The following PCED1B variants were observed in gnomAD, a reference collection of about 807,000 sequenced individuals.
PCED1B encodes the protein PC-esterase domain containing 1B.
For synonymous variants in PCED1B, 251 were observed against 246.1 expected (o/e 1.02, Z -0.19); for missense variants, 573 against 573.9 (o/e 1.00, Z 0.02).
intron 2 of PCED1B, among the ~76,000 whole-genome samples, chr12:47,116,350 A>G (rs1037073635): frequency 1.3e-5 from 2 of 152,240 alleles, no homozygotes; most frequent in Non-Finnish European, 2.9e-5. Context: ...CTGCAAATAA[A>G]TTTAATGGAG....
intron 2 of PCED1B, among the ~76,000 whole-genome samples, chr12:47,104,525 C>T (rs4768138): frequency 0.43 from 64,926 of 151,964 alleles, 14,399 homozygotes; most frequent in Admixed American, 0.59. Context: ...GGCAAGTCAC[C>T]TGAATGCTGT....
At chr12:47,116,107 G>C (rs547152647) in intron 2 of PCED1B, among the ~76,000 whole-genome samples, 2 of 152,094 alleles carry the variant, frequency 1.3e-5, no homozygotes, top group African/African-American at 2.4e-5. Context: ...AAATATGATG[G>C]TTACTTTCTC....
chr12:47,175,702 T>A (rs769844615), intron 2 of PCED1B, among the ~76,000 whole-genome samples: 33 of 151,774 alleles, frequency 2.2e-4, no homozygotes, highest in Non-Finnish European at 1.8e-4. Flanking sequence ...GCCTCCCAAG[T>A]AGCTAGGATT....
chr12:47,169,940 G>A (rs1039212356), intron 2 of PCED1B, among the ~76,000 whole-genome samples: 16 of 148,492 alleles, frequency 1.1e-4, no homozygotes, highest in Non-Finnish European at 2.1e-4. Context: ...GGTGTTTCTC[G>A]GAGAGGGGGA....
chr12:47,203,560 C>A (rs1942830619), intron 2 of PCED1B, among the ~76,000 whole-genome samples: 1 of 152,136 alleles, frequency 6.6e-6, no homozygotes, highest in Admixed American at 6.6e-5. Flanking sequence ...TGAGAACATG[C>A]AATATTTGGT....
intron 2 of PCED1B, among the ~76,000 whole-genome samples, chr12:47,174,366 G>C (rs541325800): frequency 3.3e-5 from 5 of 150,228 alleles, no homozygotes; most frequent in African/African-American, 1.2e-4. Flanking sequence ...CGGAGATTGC[G>C]CTACCGCACT....
intron 2 of PCED1B, among the ~76,000 whole-genome samples, chr12:47,194,378 T>G (rs1942538080): frequency 1.3e-5 from 2 of 152,152 alleles, no homozygotes; most frequent in African/African-American, 2.4e-5. Flanking sequence ...TTTCACCATG[T>G]TGGTCAGGCT....
intron 2 of PCED1B, among the ~76,000 whole-genome samples, chr12:47,110,443 T>C (rs1939143349): frequency 6.6e-6 from 1 of 152,184 alleles, no homozygotes; most frequent in South Asian, 2.1e-4. Flanking sequence ...CCAGGAAGTG[T>C]TTGGTAACAG....
intron 1 of PCED1B, among the ~76,000 whole-genome samples, chr12:47,099,199 G>A (rs1938601244): frequency 6.6e-6 from 1 of 152,210 alleles, no homozygotes; most frequent in African/African-American, 2.4e-5. Context: ...GAAGAGCACA[G>A]CAGTGAGAAG....
intron 2 of PCED1B, among the ~76,000 whole-genome samples, chr12:47,154,989 A>G (rs2137472582): frequency 1.3e-5 from 2 of 152,270 alleles, no homozygotes; most frequent in Middle Eastern, 6.8e-3. Flanking sequence ...GGGGAGAAGA[A>G]GGGTGAGGAG....
chr12:47,206,378 A>G (rs2004683), intron 2 of PCED1B: 31,811 of 152,246 alleles, frequency 0.21, 4,208 homozygotes, highest in Non-Finnish European at 0.3. Flanking sequence ...GCCTATGCCC[A>G]GGAATGAACA....
At chr12:47,175,212 C>T (rs929005394) in intron 2 of PCED1B, among the ~76,000 whole-genome samples, 1 of 152,050 alleles carries the variant, frequency 6.6e-6, no homozygotes, top group Non-Finnish European at 1.5e-5. Flanking sequence ...CTGGCTTTAT[C>T]TTAGAATTAT....
At chr12:47,136,085 C>CTTTTTTTTT (rs57549946) in intron 2 of PCED1B, 25 of 131,476 alleles carry the variant, frequency 1.9e-4, no homozygotes, top group African/African-American at 6.4e-4. Context: ...CAATTTCTTT[C>CTTTTTTTTT]TTTTTTTTTT....
intron 2 of PCED1B, among the ~76,000 whole-genome samples, chr12:47,152,975 A>G (rs1168597640): frequency 6.6e-6 from 1 of 152,102 alleles, no homozygotes; most frequent in African/African-American, 2.4e-5. Flanking sequence ...ACAGTTAGTA[A>G]AAGTTATTTA....
At chr12:47,095,360 G>A (rs1239792078) in intron 1 of PCED1B, among the ~76,000 whole-genome samples, 1 of 151,772 alleles carries the variant, frequency 6.6e-6, no homozygotes, top group Non-Finnish European at 1.5e-5. Flanking sequence ...TCTTCTGGCT[G>A]CTTTTATGAT....
chr12:47,122,377 C>T (rs1939716774), intron 2 of PCED1B, among the ~76,000 whole-genome samples: 1 of 152,186 alleles, frequency 6.6e-6, no homozygotes, highest in Non-Finnish European at 1.5e-5. Flanking sequence ...AGAAAGCCAA[C>T]TGGATCCATA....
chr12:47,192,176 T>G (rs1184642800), intron 2 of PCED1B, among the ~76,000 whole-genome samples: 4 of 151,532 alleles, frequency 2.6e-5, no homozygotes, highest in African/African-American at 7.3e-5. Flanking sequence ...TTTTTTTGTT[T>G]TTTTTTTTTT....
intron 2 of PCED1B, chr12:47,206,630 T>C (rs1942919308): frequency 6.6e-6 from 1 of 152,196 alleles, no homozygotes; most frequent in Non-Finnish European, 1.5e-5. Flanking sequence ...TCTCTTTATA[T>C]GAATTGATCA....
intron 1 of PCED1B, among the ~76,000 whole-genome samples, chr12:47,094,588 A>T (rs1938399711): frequency 6.6e-6 from 1 of 151,918 alleles, no homozygotes; most frequent in South Asian, 2.1e-4. Context: ...TTTAATTCTA[A>T]TAGTAACTAT....
Sources: allele counts gnomAD v4.1 joint callset (sites outside exome capture counted in the v4.1 genomes callset), GRCh38; gene constraint gnomAD v4.1.1; transcripts MANE v1.5; gene names NCBI Gene and HGNC (gene_info 2026-07-23, HGNC 2026-07-21).